The following NLRP3 variants were observed in gnomAD, a reference collection of about 807,000 sequenced individuals.
NLRP3 encodes NLR family pyrin domain containing 3, also known as NACHT, LRR and PYD domains-containing protein 3.
A neutral mutation model predicts 91.3 loss-of-function variants in NLRP3; 48 were observed. The observed-to-expected ratio is 0.53, with a 90% CI of 0.42 to 0.67. NLRP3 has a LOEUF of 0.67. NLRP3 is among the 30% of genes least tolerant of loss of function. The probability of loss-of-function intolerance (pLI) is 0.00; values close to 1 mark genes in which losing one functional copy is unlikely to be tolerated. For missense variants in NLRP3, 982 were observed against 1,276.9 expected (o/e 0.77, Z 3.52); for synonymous variants, 561 against 507.9 (o/e 1.10, Z -1.41).
At chr1:247,435,844 G>A (rs1402237955) in intron 6 of NLRP3, 126 bp from the exon 7 acceptor site, 35 of 859,422 alleles carry the variant, frequency 4.1e-5, no homozygotes, top group Middle Eastern at 3.3e-4. Flanking sequence ...AGTGTACATA[G>A]AGCTTGTGTC....
intron 9 of NLRP3, among the ~76,000 whole-genome samples, chr1:247,445,541 T>G (rs968309862): frequency 6.6e-6 from 1 of 152,230 alleles, no homozygotes; most frequent in South Asian, 2.1e-4. Flanking sequence ...GCTCCAGGAA[T>G]AGCAAGATGG....
intron 7 of NLRP3, among the ~76,000 whole-genome samples, chr1:247,438,164 G>GT (rs1183584551): frequency 1.3e-5 from 2 of 152,152 alleles, no homozygotes; most frequent in African/African-American, 4.8e-5. Context: ...AGCAGGCTGG[G>GT]TCCTTATAGG....
intron 7 of NLRP3, among the ~76,000 whole-genome samples, chr1:247,439,666 A>G (rs4925546): frequency 0.61 from 93,106 of 152,102 alleles, 28,602 homozygotes; most frequent in Non-Finnish European, 0.62. Context: ...ATAAAGTCTT[A>G]GAGGAAACAA....
intron 9 of NLRP3, among the ~76,000 whole-genome samples, chr1:247,447,231 T>C (rs1450190748): frequency 6.6e-6 from 1 of 152,196 alleles, no homozygotes; most frequent in Non-Finnish European, 1.5e-5. Context: ...GTCCTCTTCC[T>C]GATTTGCAGA....
In NLRP3 at chr1:247,444,119, C is replaced by T. The variant is rs545121784; in HGVS notation, c.2811C>T (p.Pro937=). ...TACTCTGTGAGGGACTCTTGCACCC[C>T]GACTGCAAGCTTCAGGTGTTGGAGT... is the stretch of plus-strand genomic sequence containing the variant. ...IKLLCEGLLH[P]DCKLQVLELD... Residue 937 remains proline (P), a synonymous_variant, in exon 8 of 10, where the codon CCC becomes CCT. Coordinates refer to ENST00000336119, the MANE Select transcript of NLRP3 (RefSeq NM_001243133.2). 12 of 1,614,004 alleles carry T rather than the reference C, an allele frequency of 7.4e-6. No individual in the cohort carries two copies. The highest frequency in any genetic ancestry group is 2.2e-5 in the East Asian group (1 of 44,884).
intron 9 of NLRP3, among the ~76,000 whole-genome samples, chr1:247,446,178 T>C (rs1006970890): frequency 6.6e-6 from 1 of 152,210 alleles, no homozygotes; most frequent in Non-Finnish European, 1.5e-5. Context: ...GAGCTCTGCC[T>C]TCCCAGCTTG....
At position 247,429,693 on chromosome 1, in the gene NLRP3, C is replaced by A; in HGVS notation, c.2259C>A (p.Asp753Glu). The change falls in exon 5 of 10, where the codon GAC becomes GAA. Residue 753 changes from aspartate to glutamate, a missense_variant. Around this residue, in one of 5 missense-constraint regions of NLRP3, gnomAD observed 373 missense variants for 431.5 expected, o/e 0.86. Coordinates refer to ENST00000336119, the MANE Select transcript of NLRP3 (RefSeq NM_001243133.2). ...ELDLSDNSLG[D>E]PGMRVLCETL... Reference sequence around the variant, plus strand: ...ACCTCAGTGACAATTCTCTGGGGGACCCAGGGATGAGAGTGTTGTGTGAAA... The same window carrying A: ...ACCTCAGTGACAATTCTCTGGGGGAACCAGGGATGAGAGTGTTGTGTGAAA... The A allele has an allele frequency of 6.2e-7, 1 of 1,614,078 alleles. No individual in the cohort carries two copies. The highest frequency in any genetic ancestry group is 8.5e-7 in the Non-Finnish European group (1 of 1,180,006).
chr1:247,425,061 A>G lies in NLRP3; in HGVS notation c.1612A>G (p.Lys538Glu), dbSNP rs1466728317. The change falls in exon 4 of 10, where the codon AAG (lysine) becomes GAG (glutamate). Residue 538 changes from lysine (K) to glutamate (E), a missense_variant. Lys to Glu is a moderately conservative substitution (Grantham distance 56). Coordinates refer to ENST00000336119, the MANE Select transcript of NLRP3 (RefSeq NM_001243133.2). The surrounding 1 kb of genome is among the most constrained non-coding windows in gnomAD (Gnocchi z 4.1). The stretch of plus-strand genomic sequence containing the variant: ...CATGTACTACCTGCTGGAAGAGGAA[A>G]AGGAAGGAAGGACGAACGTTCCAGG... ...AAMYYLLEEEKEGRTNVPGSR... is the reference protein window; with the variant it reads ...AAMYYLLEEEEEGRTNVPGSR... The G allele has an allele frequency of 4.3e-6, 7 of 1,614,160 alleles. No homozygotes were observed. Among genetic ancestry groups the G allele is most frequent in the Middle Eastern group, 1.6e-4 (1 of 6,062 alleles).
chr1:247,422,670 G>C (rs967598555), intron 2 of NLRP3, among the ~76,000 whole-genome samples: 9 of 152,142 alleles, frequency 5.9e-5, no homozygotes, highest in Admixed American at 5.9e-4. Context: ...TATTTTTAAA[G>C]CTTCCTGGGT....
At chr1:247,435,227 G>A (rs1006347485) in intron 6 of NLRP3, among the ~76,000 whole-genome samples, 16 of 152,136 alleles carry the variant, frequency 1.1e-4, no homozygotes, top group Admixed American at 5.9e-4. Flanking sequence ...TCCCGCCTGG[G>A]TGACAGAGGA....
chr1:247,431,247 A>G (rs1328149063), intron 5 of NLRP3, among the ~76,000 whole-genome samples: 1 of 151,916 alleles, frequency 6.6e-6, no homozygotes, highest in Non-Finnish European at 1.5e-5. Context: ...CATGAATCAG[A>G]TTCACACGCC....
chr1:247,423,361 G>C lies in NLRP3; in HGVS notation c.397+12G>C, dbSNP rs760480537. The C allele has an allele frequency of 6.2e-7, 1 of 1,613,766 alleles. No homozygotes were observed. Among genetic ancestry groups the C allele is most frequent in the Admixed American group, 1.7e-5 (1 of 60,012 alleles). Reference sequence around the variant, plus strand: ...TAAAATGAAGAAAGGTAAGCGACTGGGGTGGTGCTTCTAGTTGAGTTTTAA... The same window carrying C: ...TAAAATGAAGAAAGGTAAGCGACTGCGGTGGTGCTTCTAGTTGAGTTTTAA... On this transcript the variant is annotated intron_variant, in intron 3 of 9. Transcript: ENST00000336119.
At position 247,418,797 on chromosome 1, in the gene NLRP3, G is replaced by A; in HGVS notation, c.-4G>A. ...AAGGACCCTGAAAACAGCTGCAGAT[G>A]AAGATGGCAAGCACCCGCTGCAAGC... On this transcript the variant is annotated 5_prime_UTR_variant, in exon 2 of 10. An upstream start codon of the reference 5' UTR is lost. Transcript: ENST00000336119. 6.2e-7 allele frequency: 1 copy of A among 1,613,680 alleles called. No homozygotes were observed. The highest frequency in any genetic ancestry group is 1.1e-5 in the South Asian group (1 of 91,050).
At chr1:247,444,287 G>T in intron 8 of NLRP3, 145 bp downstream of exon 8, 2 of 875,304 alleles carry the variant, frequency 2.3e-6, no homozygotes, top group Non-Finnish European at 3.8e-6. Flanking sequence ...TCATGGGACT[G>T]GGAGGAGTCC....
intron 9 of NLRP3, among the ~76,000 whole-genome samples, chr1:247,447,607 T>C (rs1038700535): frequency 3.3e-5 from 5 of 152,198 alleles, no homozygotes; most frequent in African/African-American, 1.2e-4. Flanking sequence ...AGAGGCATCC[T>C]GGGCAAATGC....
At chr1:247,438,418 C>T (rs1376115056) in intron 7 of NLRP3, among the ~76,000 whole-genome samples, 2 of 113,624 alleles carry the variant, frequency 1.8e-5, no homozygotes, top group East Asian at 3.0e-4. Context: ...GAGTCTTACT[C>T]TGTCACCCAG....
chr1:247,423,421 C>G, intron 3 of NLRP3, 72 bp downstream of exon 3: 1 of 1,591,180 alleles, frequency 6.3e-7, no homozygotes, highest in Non-Finnish European at 8.6e-7. Context: ...AGCTGAGCAG[C>G]TGGGTAACTT....
chr1:247,424,289 C>G lies in NLRP3; in HGVS notation c.840C>G (p.Asp280Glu). 1 of 1,613,790 alleles carries G rather than the reference C, an allele frequency of 6.2e-7. No individual in the cohort carries two copies. The highest frequency in any genetic ancestry group is 2.2e-5 in the East Asian group (1 of 44,840). ...ACCTGATCATGAGCTGCTGCCCCGA[C>G]CCAAACCCACCCATCCACAAGATCG... ...LGDLIMSCCPDPNPPIHKIVR... is the reference protein window; with the variant it reads ...LGDLIMSCCPEPNPPIHKIVR... Residue 280 changes from aspartate (D) to glutamate (E), a missense_variant, in exon 4 of 10, where the codon GAC becomes GAG. Around this residue, in one of 5 missense-constraint regions of NLRP3, gnomAD observed 548 missense variants for 713.7 expected, o/e 0.77. Transcript: ENST00000336119. This position sits in a 1 kb window ranked among gnomAD's most constrained non-coding sequence, Gnocchi z 8.1.
At chr1:247,427,237 T>A (rs1241430001) in intron 4 of NLRP3, among the ~76,000 whole-genome samples, 1 of 152,170 alleles carries the variant, frequency 6.6e-6, no homozygotes, top group African/African-American at 2.4e-5. Context: ...TCCACCCTCA[T>A]AACTTAACCA....
Sources: gnomAD v4.1 joint callset for allele counts (sites outside exome capture counted in the v4.1 genomes callset) on GRCh38, gnomAD v4.1.1 for gene constraint, gnomAD v4.1.1 regional missense constraint, Gnocchi (gnomAD v3.1) non-coding constraint, MANE v1.5 for transcripts, NCBI Gene and HGNC (gene_info 2026-07-23, HGNC 2026-07-21) for gene names.